Variants in TLN2 observed in about 807,000 individuals in gnomAD.
TLN2 encodes talin-2.
Under a neutral mutation model 294.7 loss-of-function variants are expected in TLN2, and 118 were observed. That is an observed-to-expected ratio of 0.40 (90% confidence interval 0.34 to 0.47). TLN2 has a LOEUF of 0.47. Ranked by LOEUF, TLN2 falls within the 20% of genes least tolerant of loss-of-function variation. The pLI, the probability that TLN2 is intolerant of heterozygous loss-of-function variation, is 0.84. For synonymous variants in TLN2, 1,431 were observed against 1,304.5 expected (o/e 1.10, Z -2.09); for missense variants, 3,083 against 3,282.2 (o/e 0.94, Z 1.48).
At chr15:62,455,416 G>T (rs1486651120) in intron 1 of TLN2, among the ~76,000 whole-genome samples, 1 of 152,118 alleles carries the variant, frequency 6.6e-6, no homozygotes, top group African/African-American at 2.4e-5. Context: ...ACAAAAAGAT[G>T]GTACAGCGCA....
At chr15:62,517,601 A>G (rs1039448453) in intron 1 of TLN2, among the ~76,000 whole-genome samples, 6 of 152,216 alleles carry the variant, frequency 3.9e-5, no homozygotes, top group African/African-American at 1.4e-4. Flanking sequence ...TTGTAAACAA[A>G]AAAATGACAT....
At chr15:62,520,249 G>A (rs1822202) in intron 1 of TLN2, among the ~76,000 whole-genome samples, 74,693 of 152,096 alleles carry the variant, frequency 0.49, 19,245 homozygotes, top group African/African-American at 0.65. Flanking sequence ...TAAGAGCTAC[G>A]GAATGTATGC....
At chr15:62,487,359 A>G (rs1347888302) in intron 1 of TLN2, among the ~76,000 whole-genome samples, 2 of 152,230 alleles carry the variant, frequency 1.3e-5, no homozygotes, top group African/African-American at 2.4e-5. Flanking sequence ...TAGGAAAGGT[A>G]TGCTTCTTAG....
chr15:62,740,046 TG>T (rs1453726231), intron 31 of TLN2, among the ~76,000 whole-genome samples: 17 of 136,650 alleles, frequency 1.2e-4, no homozygotes, highest in African/African-American at 2.8e-4. Flanking sequence ...CTGTGTTTTT[TG>T]TTTTTTTTTT....
intron 52 of TLN2, among the ~76,000 whole-genome samples, chr15:62,816,519 T>G (rs2067131044): frequency 6.6e-6 from 1 of 152,218 alleles, no homozygotes; most frequent in African/African-American, 2.4e-5. Context: ...CTCGGGTTCT[T>G]TATCAGGGCT....
At chr15:62,559,310 CTAAG>C (rs1443387066) in intron 1 of TLN2, among the ~76,000 whole-genome samples, 1 of 152,144 alleles carries the variant, frequency 6.6e-6, no homozygotes, top group Non-Finnish European at 1.5e-5. Flanking sequence ...GGGCTACAAT[CTAAG>C]TAACTGAGGC....
chr15:62,468,371 G>A (rs2037260524), intron 1 of TLN2, among the ~76,000 whole-genome samples: 5 of 152,154 alleles, frequency 3.3e-5, no homozygotes, highest in Admixed American at 3.3e-4. Context: ...TGCACAGCTG[G>A]GATTTACTAA....
At chr15:62,561,655 G>GTC (rs555816577) in intron 1 of TLN2, among the ~76,000 whole-genome samples, 1 of 152,090 alleles carries the variant, frequency 6.6e-6, no homozygotes, top group South Asian at 2.1e-4. Flanking sequence ...AGGAAAGTCT[G>GTC]TCTCTCTCTC....
At chr15:62,768,895 T>C (rs1437376774) in intron 41 of TLN2, among the ~76,000 whole-genome samples, 2 of 152,242 alleles carry the variant, frequency 1.3e-5, no homozygotes, top group Non-Finnish European at 2.9e-5. Flanking sequence ...CTCAGTGCTA[T>C]TATTAATCCC....
chr15:62,637,004 T>C (rs2050443782), intron 3 of TLN2, among the ~76,000 whole-genome samples: 1 of 152,114 alleles, frequency 6.6e-6, no homozygotes, highest in African/African-American at 2.4e-5. Context: ...TCTGTATCCA[T>C]CACAGTGGTG....
intron 1 of TLN2, among the ~76,000 whole-genome samples, chr15:62,525,321 A>G (rs1226546496): frequency 6.6e-6 from 1 of 152,238 alleles, no homozygotes. Flanking sequence ...CCTGAAATGT[A>G]TACCAATCTC....
intron 43 of TLN2, among the ~76,000 whole-genome samples, chr15:62,780,807 C>T (rs562719840): frequency 3.2e-4 from 48 of 152,288 alleles, no homozygotes; most frequent in African/African-American, 1.0e-3. Context: ...CCTCCATGTA[C>T]GTGAATTCTG....
intron 48 of TLN2, among the ~76,000 whole-genome samples, chr15:62,799,054 T>C (rs886889358): frequency 6.6e-6 from 1 of 152,162 alleles, no homozygotes; most frequent in Non-Finnish European, 1.5e-5. Context: ...TCCCAGTTTA[T>C]CTTCAAAGCA....
At chr15:62,723,203 G>C (rs759233707) in intron 26 of TLN2, among the ~76,000 whole-genome samples, 6 of 152,184 alleles carry the variant, frequency 3.9e-5, no homozygotes, top group Non-Finnish European at 1.5e-5. Flanking sequence ...TTAATATGAG[G>C]AGAATGCTAC....
At chr15:62,739,638 G>A in intron 31 of TLN2, 93 bp downstream of exon 31, 1 of 1,468,004 alleles carries the variant, frequency 6.8e-7, no homozygotes, top group Non-Finnish European at 9.3e-7. Flanking sequence ...ATAGGAAAAG[G>A]AACCTGGAAA....
chr15:62,824,310 A>G (rs998192611), intron 54 of TLN2, among the ~76,000 whole-genome samples: 1 of 152,246 alleles, frequency 6.6e-6, no homozygotes, highest in African/African-American at 2.4e-5. Flanking sequence ...GCTTGGTGGA[A>G]AAAACGGTTC....
intron 1 of TLN2, among the ~76,000 whole-genome samples, chr15:62,533,604 T>A (rs1291964173): frequency 6.6e-6 from 1 of 152,138 alleles, no homozygotes; most frequent in East Asian, 1.9e-4. Flanking sequence ...CTGAGAGTAA[T>A]TGTATTTTTC....
chr15:62,641,314 TTAA>T (rs771278427), intron 3 of TLN2, among the ~76,000 whole-genome samples: 1 of 152,118 alleles, frequency 6.6e-6, no homozygotes, highest in Non-Finnish European at 1.5e-5. Flanking sequence ...ACTAATGTTA[TTAA>T]TAATAATAAC....
In TLN2 at chr15:62,589,002, T is replaced by C. The variant is rs115843883; in HGVS notation, c.-237-685T>C. Among the ~76,000 whole-genome samples the C allele has an allele frequency of 7.1e-3, 1,087 of 152,152 alleles. 11 individuals carry two copies. The highest frequency in any genetic ancestry group is 0.024 in the African/African-American group (1,013 of 41,522). Reference sequence around the variant, plus strand: ...ACACCATTTGTTAACTAGTCTGTCATACCCACCCAGATTTGATTGCACGTA... The same window carrying C: ...ACACCATTTGTTAACTAGTCTGTCACACCCACCCAGATTTGATTGCACGTA... On this transcript the variant is annotated intron_variant, in intron 1 of 58. Coordinates refer to ENST00000636159, the MANE Select transcript of TLN2 (RefSeq NM_015059.3).
Sources: allele counts gnomAD v4.1 joint callset (sites outside exome capture counted in the v4.1 genomes callset), GRCh38; gene constraint gnomAD v4.1.1; transcripts MANE v1.5; gene names NCBI Gene and HGNC (gene_info 2026-07-23, HGNC 2026-07-21).